SORCS1: variants seen among roughly 807,000 people sequenced by gnomAD.
SORCS1 encodes VPS10 domain-containing receptor SorCS1.
In SORCS1, 60 loss-of-function variants were observed where a neutral mutation model predicts 146.1. That is an observed-to-expected ratio of 0.41 (90% CI 0.33 to 0.51). The LOEUF (loss-of-function observed/expected upper bound fraction) is 0.51, where lower values mean the gene tolerates loss of function less well. SORCS1 is among the 20% of genes least tolerant of loss of function. SORCS1 has a pLI of 0.21. For missense variants in SORCS1, 1,352 were observed against 1,487.6 expected (o/e 0.91, Z 1.50); for synonymous variants, 637 against 584.0 (o/e 1.09, Z -1.31).
chr10:107,111,630 GGAGA>G (rs1170329973), intron 1 of SORCS1, among the ~76,000 whole-genome samples: 1 of 152,106 alleles, frequency 6.6e-6, no homozygotes, highest in Non-Finnish European at 1.5e-5. Flanking sequence ...GAAGGAGAAA[GGAGA>G]GAGAGTAAGA....
chr10:106,858,262 T>A (rs887903776), intron 2 of SORCS1, among the ~76,000 whole-genome samples: 2 of 152,318 alleles, frequency 1.3e-5, no homozygotes, highest in South Asian at 4.1e-4. Context: ...TTTCTTCTCC[T>A]AATTATATCT....
chr10:107,071,094 G>A (rs555062261), intron 1 of SORCS1, among the ~76,000 whole-genome samples: 9 of 152,238 alleles, frequency 5.9e-5, no homozygotes, highest in African/African-American at 2.2e-4. Context: ...TGACCGGCAG[G>A]AGTCAGAGTC....
At chr10:106,872,318 T>A (rs1458055746) in intron 2 of SORCS1, among the ~76,000 whole-genome samples, 1 of 152,208 alleles carries the variant, frequency 6.6e-6, no homozygotes, top group Non-Finnish European at 1.5e-5. Flanking sequence ...GGACACCAAG[T>A]CAGACCAAGC....
intron 2 of SORCS1, among the ~76,000 whole-genome samples, chr10:106,943,597 G>A (rs1054617342): frequency 1.3e-5 from 2 of 151,966 alleles, no homozygotes; most frequent in African/African-American, 2.4e-5. Context: ...CATGAGGTCA[G>A]GAGATCAAGA....
intron 1 of SORCS1, among the ~76,000 whole-genome samples, chr10:106,980,811 C>A (rs1227450354): frequency 1.3e-5 from 2 of 152,102 alleles, no homozygotes; most frequent in Non-Finnish European, 2.9e-5. Flanking sequence ...TTATAGATTG[C>A]AATTTGTAAG....
At chr10:107,024,855 G>T (rs912656584) in intron 1 of SORCS1, among the ~76,000 whole-genome samples, 1 of 152,062 alleles carries the variant, frequency 6.6e-6, no homozygotes, top group African/African-American at 2.4e-5. Flanking sequence ...AACATTTACT[G>T]CACCTAAAAT....
intron 1 of SORCS1, among the ~76,000 whole-genome samples, chr10:106,970,559 C>A (rs1420506537): frequency 6.6e-6 from 1 of 151,944 alleles, no homozygotes; most frequent in East Asian, 1.9e-4. Flanking sequence ...CCAGGCTGGT[C>A]TTGGACTCCT....
At chr10:106,910,720 T>C (rs1290207667) in intron 2 of SORCS1, among the ~76,000 whole-genome samples, 1 of 152,190 alleles carries the variant, frequency 6.6e-6, no homozygotes, top group Non-Finnish European at 1.5e-5. Flanking sequence ...CAGAGCAGTA[T>C]TGCCCATCCA....
chr10:106,998,452 G>A lies in SORCS1; in HGVS notation c.559-41872C>T, dbSNP rs2139581531. ...TGCAAGGAGACCTAGGTAGGGGTGG[G>A]ATAATGGAGCAAATGGCACAATTTC... On this transcript the variant is annotated intron_variant, in intron 1 of 25. Transcript: ENST00000263054. Among the ~76,000 whole-genome samples the A allele has an allele frequency of 2.0e-5, 3 of 152,318 alleles. 1 individual carries two copies. The South Asian group carries it at 6.2e-4, about 32-fold the overall frequency.
intron 5 of SORCS1, among the ~76,000 whole-genome samples, chr10:106,752,200 T>C (rs1404009498): frequency 3.9e-5 from 6 of 152,170 alleles, no homozygotes; most frequent in Non-Finnish European, 7.4e-5. Context: ...ATCTGGTACA[T>C]GGTATGATAT....
intron 12 of SORCS1, among the ~76,000 whole-genome samples, chr10:106,678,509 A>C (rs144205984): frequency 3.0e-4 from 46 of 152,360 alleles, no homozygotes; most frequent in African/African-American, 1.1e-3. Flanking sequence ...TTACCTGTGC[A>C]TTAGATTTCA....
At chr10:106,691,295 A>C (rs1853275736) in intron 9 of SORCS1, among the ~76,000 whole-genome samples, 1 of 152,178 alleles carries the variant, frequency 6.6e-6, no homozygotes, top group Non-Finnish European at 1.5e-5. Flanking sequence ...GGAATGGTAC[A>C]TCCCACTGTT....
intron 18 of SORCS1, among the ~76,000 whole-genome samples, chr10:106,629,787 T>C (rs1427644039): frequency 1.3e-5 from 2 of 152,226 alleles, no homozygotes; most frequent in Non-Finnish European, 2.9e-5. Flanking sequence ...GGCTCATGCC[T>C]GTAATCCCAG....
At chr10:106,656,544 AAAAAAAG>A (rs1341986408) in intron 17 of SORCS1, among the ~76,000 whole-genome samples, 2 of 152,290 alleles carry the variant, frequency 1.3e-5, no homozygotes, top group Non-Finnish European at 2.9e-5. Context: ...ATTCTTTCTC[AAAAAAAG>A]AAAAAAGAAA....
At chr10:106,911,401 C>G (rs904698013) in intron 2 of SORCS1, among the ~76,000 whole-genome samples, 10 of 152,188 alleles carry the variant, frequency 6.6e-5, no homozygotes, top group African/African-American at 2.4e-4. Context: ...CCCTCGTGTC[C>G]ACTGAGGACA....
At chr10:106,807,177 AGAAG>A (rs970344900) in intron 3 of SORCS1, among the ~76,000 whole-genome samples, 6 of 151,790 alleles carry the variant, frequency 4.0e-5, no homozygotes, top group East Asian at 3.9e-4. Context: ...TCTGCTTTGA[AGAAG>A]GAAGGAAGGA....
intron 3 of SORCS1, among the ~76,000 whole-genome samples, chr10:106,823,201 G>A (rs7895531): frequency 0.075 from 11,439 of 152,094 alleles, 1,032 homozygotes; most frequent in African/African-American, 0.21. Flanking sequence ...TTGCTTGTCC[G>A]CCAAGGGAAT....
intron 2 of SORCS1, among the ~76,000 whole-genome samples, chr10:106,886,388 C>G (rs1364276560): frequency 6.6e-6 from 1 of 152,116 alleles, no homozygotes; most frequent in African/African-American, 2.4e-5. Context: ...TTATTTTCTA[C>G]ATTATTTTCC....
intron 1 of SORCS1, among the ~76,000 whole-genome samples, chr10:107,041,710 G>T (rs1398410565): frequency 1.3e-5 from 2 of 152,194 alleles, no homozygotes; most frequent in East Asian, 3.9e-4. Flanking sequence ...TGAAAGGTGA[G>T]GAAGTGAGAA....
Sources: allele counts gnomAD v4.1 joint callset (sites outside exome capture counted in the v4.1 genomes callset), GRCh38; gene constraint gnomAD v4.1.1; transcripts MANE v1.5; gene names NCBI Gene and HGNC (gene_info 2026-07-23, HGNC 2026-07-21).